The following CACNA1C variants were observed in gnomAD, a reference collection of about 807,000 sequenced individuals.
CACNA1C encodes voltage-dependent L-type calcium channel subunit alpha-1C.
CACNA1C carries 30 observed loss-of-function variants against 229.0 expected under a neutral mutation model. The ratio of observed to expected loss-of-function variants is 0.13; its 90% CI spans 0.10 to 0.18. The LOEUF is 0.18. CACNA1C is among the 10% of genes least tolerant of loss of function. The pLI, the probability that CACNA1C is intolerant of heterozygous loss-of-function variation, is 1.00. For missense variants in CACNA1C, 1,658 were observed against 2,845.0 expected (o/e 0.58, Z 9.49); for synonymous variants, 1,114 against 1,132.5 (o/e 0.98, Z 0.33).
chr12:2,396,484 C>T (rs922023045), intron 3 of CACNA1C, among the ~76,000 whole-genome samples: 2 of 150,994 alleles, frequency 1.3e-5, no homozygotes, highest in Non-Finnish European at 2.9e-5. Context: ...AGGCTTAACT[C>T]GGTCTGTGGC....
rs1185636711 is a variant in CACNA1C, at chr12:2,504,617, T to C, written c.1114-225T>C. The C allele has an allele frequency of 1.1e-6, 1 of 893,170 alleles. No homozygotes were observed. The highest frequency in any genetic ancestry group is 1.7e-5 in the African/African-American group (1 of 60,486). The allele number at this position is 893,170 out of a possible 1,614,324, so 55.3% of individuals were successfully genotyped here. On this transcript the variant is annotated intron_variant, in intron 7 of 46. Coordinates refer to ENST00000399655, the MANE Select transcript of CACNA1C (RefSeq NM_000719.7). This position sits in a 1 kb window ranked among gnomAD's most constrained non-coding sequence, Gnocchi z 6.8. Reference sequence around the variant, plus strand: ...GGTTCCACTCCGTACATGCCCGGGGTCCTCAGGGATGGGACCCTGACAGGC... The same window carrying C: ...GGTTCCACTCCGTACATGCCCGGGGCCCTCAGGGATGGGACCCTGACAGGC...
chr12:2,576,964 A>G (rs1600767447), intron 13 of CACNA1C, among the ~76,000 whole-genome samples: 1 of 152,204 alleles, frequency 6.6e-6, no homozygotes, highest in African/African-American at 2.4e-5. Flanking sequence ...ATGAGCATAT[A>G]AAACATCCCT....
chr12:1,997,463 C>G (rs2041212389), intron 1 of CACNA1C, among the ~76,000 whole-genome samples: 1 of 152,154 alleles, frequency 6.6e-6, no homozygotes. Flanking sequence ...GAGGTTGCAG[C>G]AAGCCAAGAG....
rs143016666 is a variant in CACNA1C at position 2,363,972 on chromosome 12, C to T, written c.478-85004C>T. The stretch of plus-strand genomic sequence containing the variant: ...GCCAGGAGGCCAGTGCCATCATCCC[C>T]TCGTGCCTGGTGACGATCAGCCCTT... On this transcript the variant is annotated intron_variant, in intron 3 of 46. Coordinates refer to ENST00000399655, the MANE Select transcript of CACNA1C (RefSeq NM_000719.7). Among the ~76,000 whole-genome samples, 186 of 152,324 alleles carry T rather than the reference C, an allele frequency of 1.2e-3. 1 individual carries two copies. Among genetic ancestry groups the T allele is most frequent in the South Asian group, 9.1e-3 (44 of 4,830 alleles).
rs768330719 is a variant in CACNA1C, at chr12:2,678,024, T to G, written c.5091+157T>G. ...CTGATGAGCTGTCTCCTCACCCCTT[T>G]GCCTTTTCCAAGCCTGACTCCATCC... is the stretch of plus-strand genomic sequence containing the variant. On this transcript the variant is annotated intron_variant, in intron 41 of 46. Transcript: ENST00000399655. The surrounding 1 kb of genome is among the most constrained non-coding windows in gnomAD (Gnocchi z 4.1). 1.6e-5 allele frequency: 13 copies of G among 818,096 alleles called. No homozygotes were observed. The highest frequency in any genetic ancestry group is 2.3e-5 in the Non-Finnish European group (12 of 531,990). The allele number at this position is 818,096 out of a possible 1,614,324, so 50.7% of individuals were successfully genotyped here.
At chr12:2,506,769 T>C (rs2099772809) in intron 8 of CACNA1C, among the ~76,000 whole-genome samples, 2 of 152,152 alleles carry the variant, frequency 1.3e-5, no homozygotes, top group South Asian at 4.2e-4. Flanking sequence ...GAGCTTGAAC[T>C]GCAACACAAG....
chr12:2,212,048 A>T (rs2097937907), intron 3 of CACNA1C, among the ~76,000 whole-genome samples: 1 of 152,164 alleles, frequency 6.6e-6, no homozygotes, highest in African/African-American at 2.4e-5. Flanking sequence ...CGTTATTTAC[A>T]CAAGCTTGGA....
At chr12:2,146,652 A>G (rs536154895) in intron 3 of CACNA1C, among the ~76,000 whole-genome samples, 1 of 151,260 alleles carries the variant, frequency 6.6e-6, no homozygotes, top group South Asian at 2.1e-4. Context: ...CTGTGTTTCC[A>G]CTATTGACAG....
intron 3 of CACNA1C, among the ~76,000 whole-genome samples, chr12:2,195,396 G>C (rs2097369631): frequency 6.6e-6 from 1 of 152,196 alleles, no homozygotes; most frequent in Non-Finnish European, 1.5e-5. Flanking sequence ...CTACCACTGG[G>C]CAAATCTCTG....
intron 3 of CACNA1C, among the ~76,000 whole-genome samples, chr12:2,366,506 T>G (rs1186601440): frequency 2.6e-5 from 4 of 152,186 alleles, no homozygotes; most frequent in Non-Finnish European, 5.9e-5. Flanking sequence ...TAAAACTTAC[T>G]TGTGTTAATG....
At chr12:2,648,657 G>A (rs2094589398) in intron 31 of CACNA1C, 150 bp downstream of exon 31, 3 of 713,552 alleles carry the variant, frequency 4.2e-6, no homozygotes, top group Non-Finnish European at 5.1e-6. Flanking sequence ...TTGCCTGCCT[G>A]TTCCCTTCTC....
intron 11 of CACNA1C, among the ~76,000 whole-genome samples, chr12:2,563,742 G>T (rs931016163): frequency 6.6e-6 from 1 of 152,226 alleles, no homozygotes; most frequent in African/African-American, 2.4e-5. Context: ...GTATGTGCAG[G>T]GATCCGTAAC....
chr12:2,426,240 C>G (rs1364020665), intron 3 of CACNA1C, among the ~76,000 whole-genome samples: 1 of 152,164 alleles, frequency 6.6e-6, no homozygotes, highest in Non-Finnish European at 1.5e-5. Context: ...TGATACATGC[C>G]TTTGCCGTGA....
intron 5 of CACNA1C, among the ~76,000 whole-genome samples, chr12:2,458,120 G>A (rs2099454201): frequency 6.6e-6 from 1 of 152,192 alleles, no homozygotes; most frequent in South Asian, 2.1e-4. Context: ...GAACAATCAG[G>A]AAAGCATCAG....
In CACNA1C at chr12:2,605,881, T is replaced by A; in HGVS notation, c.3156+95T>A. The A allele has an allele frequency of 1.1e-6, 1 of 878,222 alleles. No individual in the cohort carries two copies. Among genetic ancestry groups the A allele is most frequent in the Non-Finnish European group, 1.9e-6 (1 of 528,954 alleles). 54.4% of individuals were successfully genotyped at this position (878,222 alleles called of 1,614,324 possible). On this transcript the variant is annotated intron_variant, in intron 24 of 46. Transcript: ENST00000399655. The surrounding 1 kb of genome is among the most constrained non-coding windows in gnomAD (Gnocchi z 6.2). ...CAGATATAGTACAAACGAGACAGTGTCCTGAGCCAGACTTGGCTTGGATAT... is the reference window on the plus strand; with the variant it reads ...CAGATATAGTACAAACGAGACAGTGACCTGAGCCAGACTTGGCTTGGATAT...
chr12:2,186,973 T>A (rs2097044585), intron 3 of CACNA1C, among the ~76,000 whole-genome samples: 4 of 149,012 alleles, frequency 2.7e-5, no homozygotes, highest in Admixed American at 2.6e-4. Context: ...CCCCACAAAC[T>A]GGCTGTGAGC....
At chr12:2,458,191 A>G (rs767894067) in intron 5 of CACNA1C, among the ~76,000 whole-genome samples, 1 of 152,190 alleles carries the variant, frequency 6.6e-6, no homozygotes, top group African/African-American at 2.4e-5. Flanking sequence ...TTCCTGTCAA[A>G]TGGGGCAGCC....
intron 1 of CACNA1C, among the ~76,000 whole-genome samples, chr12:2,104,159 A>G (rs1164961405): frequency 6.6e-6 from 1 of 152,242 alleles, no homozygotes; most frequent in Admixed American, 6.5e-5. Flanking sequence ...TCTATAAATT[A>G]CTTTGGGCAG....
chr12:2,459,173 T>G lies in CACNA1C; in HGVS notation c.757+1467T>G, dbSNP rs867700122. On this transcript the variant is annotated intron_variant, in intron 5 of 46. Transcript: ENST00000399655. ...AATTTTTGTTTTTTTGTGTGTGTTT[T>G]TTTTTTTTTTTTTTTGTATTTTTAG... Among the ~76,000 whole-genome samples the G allele has an allele frequency of 6.2e-3, 706 of 113,740 alleles. 6 individuals carry two copies. The highest frequency in any genetic ancestry group is 0.021 in the African/African-American group (615 of 28,764). 74.6% of individuals were successfully genotyped at this position (113,740 alleles called of 152,430 possible).
Sources: allele counts gnomAD v4.1 joint callset (sites outside exome capture counted in the v4.1 genomes callset), GRCh38; gene constraint gnomAD v4.1.1; non-coding constraint Gnocchi (gnomAD v3.1); transcripts MANE v1.5; gene names NCBI Gene and HGNC (gene_info 2026-07-23, HGNC 2026-07-21).